The following KHDRBS2 variants were observed in gnomAD, a reference collection of about 807,000 sequenced individuals.
KHDRBS2 encodes the protein KH domain-containing, RNA-binding, signal transduction-associated protein 2.
In KHDRBS2, 26 loss-of-function variants were observed where a neutral mutation model predicts 44.3. The observed-to-expected ratio is 0.59, with a 90% CI of 0.43 to 0.81. The LOEUF is 0.81. Ranked by LOEUF, KHDRBS2 falls within the 40% of genes least tolerant of loss-of-function variation. KHDRBS2 has a pLI of 0.00. For synonymous variants in KHDRBS2, 194 were observed against 151.1 expected (o/e 1.28, Z -2.08); for missense variants, 476 against 433.1 (o/e 1.10, Z -0.88).
chr6:61,862,763 A>G (rs372203839), intron 6 of KHDRBS2, among the ~76,000 whole-genome samples: 7 of 152,046 alleles, frequency 4.6e-5, no homozygotes, highest in African/African-American at 1.7e-4. Flanking sequence ...TTCATCAATG[A>G]TATCGGTCTC....
intron 6 of KHDRBS2, among the ~76,000 whole-genome samples, chr6:61,748,855 C>T (rs1056520856): frequency 1.3e-5 from 2 of 152,060 alleles, no homozygotes; most frequent in African/African-American, 4.8e-5. Flanking sequence ...TGGAAATTCT[C>T]TATGCCCTGT....
At chr6:61,719,594 C>T (rs1160023173) in intron 7 of KHDRBS2, among the ~76,000 whole-genome samples, 2 of 152,060 alleles carry the variant, frequency 1.3e-5, no homozygotes, top group African/African-American at 2.4e-5. Context: ...AACTGTAATA[C>T]TAGCCCTGCA....
At chr6:62,272,707 G>T (rs546489927) in intron 1 of KHDRBS2, among the ~76,000 whole-genome samples, 2 of 152,308 alleles carry the variant, frequency 1.3e-5, no homozygotes, top group South Asian at 4.1e-4. Flanking sequence ...AAAGGAGAAA[G>T]CAGACTCCTG....
the KHDRBS2 span, among the ~76,000 whole-genome samples, chr6:61,544,577 T>C: frequency 6.6e-6 from 1 of 152,096 alleles, no homozygotes; most frequent in South Asian, 2.1e-4. Flanking sequence ...GAAGAGAAAA[T>C]CTTGAAATCA....
chr6:61,835,311 G>C (rs1386907098), intron 6 of KHDRBS2, among the ~76,000 whole-genome samples: 2 of 152,016 alleles, frequency 1.3e-5, no homozygotes, highest in Non-Finnish European at 2.9e-5. Context: ...TCTTATTAAT[G>C]TATCTTAACT....
At chr6:61,770,527 T>C (rs1311676882) in intron 6 of KHDRBS2, among the ~76,000 whole-genome samples, 1 of 152,082 alleles carries the variant, frequency 6.6e-6, no homozygotes, top group African/African-American at 2.4e-5. Flanking sequence ...GCACGAGAGC[T>C]ATGTGACGAA....
intron 4 of KHDRBS2, among the ~76,000 whole-genome samples, chr6:61,908,932 A>C (rs1376361083): frequency 6.6e-6 from 1 of 152,210 alleles, no homozygotes; most frequent in Non-Finnish European, 1.5e-5. Context: ...TTCCTCTTAC[A>C]AGATGAATTA....
intron 6 of KHDRBS2, among the ~76,000 whole-genome samples, chr6:61,750,029 A>T (rs982951600): frequency 6.6e-6 from 1 of 152,162 alleles, no homozygotes; most frequent in Non-Finnish European, 1.5e-5. Flanking sequence ...AATAATGAGG[A>T]GTTATTTTTA....
At chr6:62,035,085 T>A (rs1785040748) in intron 3 of KHDRBS2, among the ~76,000 whole-genome samples, 1 of 152,022 alleles carries the variant, frequency 6.6e-6, no homozygotes, top group Non-Finnish European at 1.5e-5. Context: ...GTTTGGAGGT[T>A]CTTCAAACAA....
At chr6:61,860,304 T>G (rs1796734286) in intron 6 of KHDRBS2, among the ~76,000 whole-genome samples, 1 of 151,974 alleles carries the variant, frequency 6.6e-6, no homozygotes, top group Admixed American at 6.6e-5. Context: ...GTTGTACAGA[T>G]TATTTCATCA....
At chr6:61,967,943 TATATATATATATATAC>T (rs1232499346) in intron 4 of KHDRBS2, among the ~76,000 whole-genome samples, 4 of 112,040 alleles carry the variant, frequency 3.6e-5, no homozygotes, top group African/African-American at 1.4e-4. Flanking sequence ...TATATATATA[TATATATATATATATAC>T]ACACACACAC....
rs750786866 is a variant in KHDRBS2 at position 61,680,997 on chromosome 6, C to T, written c.1016G>A (p.Gly339Glu). Residue 339 changes from glycine (G) to glutamate (E), a missense_variant, in exon 9 of 9, where the codon GGG (glycine) becomes GAG (glutamate). By Grantham distance (98) the Gly-to-Glu change is moderately conservative (BLOSUM62 -2). Transcript: ENST00000281156. ...LKAPPQRSAR[G>E]GYREHPYGRY ...ACCATAGGGGTGTTCCCTGTATCCC[C>T]CTCTGGCTGACCTTTGCGGTGGTGC... The T allele has an allele frequency of 1.2e-6, 2 of 1,611,702 alleles. No individual in the cohort carries two copies. Among genetic ancestry groups the T allele is most frequent in the Non-Finnish European group, 1.7e-6 (2 of 1,178,574 alleles).
the KHDRBS2 span, among the ~76,000 whole-genome samples, chr6:61,610,193 A>C: frequency 1.2e-5 from 1 of 82,210 alleles, no homozygotes; most frequent in Non-Finnish European, 2.7e-5. Context: ...ATATTTAAAA[A>C]AAAAAATTGA....
intron 4 of KHDRBS2, among the ~76,000 whole-genome samples, chr6:61,930,523 TAAAAAAAAAAAAAAAAAAAAAAGAA>T (rs1304240972): frequency 4.3e-4 from 17 of 39,210 alleles, no homozygotes; most frequent in Admixed American, 1.9e-3. Context: ...ATACCGCCCC[TAAAAAAAAAAAAAAAAAAAAAAGAA>T]AAAAAAAAAA....
intron 2 of KHDRBS2, among the ~76,000 whole-genome samples, chr6:62,083,791 T>A (rs1326858695): frequency 6.6e-6 from 1 of 152,200 alleles, no homozygotes; most frequent in Non-Finnish European, 1.5e-5. Flanking sequence ...AAAATGCAGC[T>A]TCAGTAGCAA....
chr6:61,562,540 T>G, the KHDRBS2 span, among the ~76,000 whole-genome samples: 5 of 152,180 alleles, frequency 3.3e-5, no homozygotes, highest in Non-Finnish European at 7.4e-5. Context: ...AGTACTTTAT[T>G]CTCTCTTTGA....
the KHDRBS2 span, among the ~76,000 whole-genome samples, chr6:61,567,470 C>CA: frequency 6.6e-6 from 1 of 151,922 alleles, no homozygotes; most frequent in Admixed American, 6.6e-5. Context: ...CCTGTCTCTA[C>CA]AAAAAAAGTA....
At chr6:61,937,548 C>T (rs1445951946) in intron 4 of KHDRBS2, among the ~76,000 whole-genome samples, 1 of 151,870 alleles carries the variant, frequency 6.6e-6, no homozygotes, top group Non-Finnish European at 1.5e-5. Context: ...TTGTTAATTT[C>T]TTCTTTGAAA....
intron 4 of KHDRBS2, among the ~76,000 whole-genome samples, chr6:61,942,603 G>T (rs1812350105): frequency 6.6e-6 from 1 of 151,994 alleles, no homozygotes; most frequent in Non-Finnish European, 1.5e-5. Flanking sequence ...CCCAATATTT[G>T]AATTATCAAA....
Sources: gnomAD v4.1 joint callset for allele counts (sites outside exome capture counted in the v4.1 genomes callset) on GRCh38, gnomAD v4.1.1 for gene constraint, MANE v1.5 for transcripts, NCBI Gene and HGNC (gene_info 2026-07-23, HGNC 2026-07-21) for gene names.